The following URM1 variants were observed in gnomAD, a reference collection of about 807,000 sequenced individuals.
URM1 encodes ubiquitin-related modifier 1.
URM1 carries 11 observed loss-of-function variants against 17.7 expected under a neutral mutation model. The observed-to-expected ratio is 0.62, with a 90% CI of 0.39 to 1.03. The LOEUF (loss-of-function observed/expected upper bound fraction) is 1.03, where lower values mean the gene tolerates loss of function less well. Ranked by LOEUF, URM1 falls within the 50% of genes least tolerant of loss-of-function variation. The pLI, the probability that URM1 is intolerant of heterozygous loss-of-function variation, is 0.00. For synonymous variants in URM1, 48 were observed against 50.6 expected (o/e 0.95, Z 0.22); for missense variants, 128 against 129.2 (o/e 0.99, Z 0.04).
intron 2 of URM1, among the ~76,000 whole-genome samples, chr9:128,379,339 C>T (rs771241813): frequency 8.6e-5 from 13 of 150,902 alleles, no homozygotes; most frequent in African/African-American, 2.2e-4. Context: ...AATTAGCTGG[C>T]GCAGTGGCAG....
chr9:128,380,974 G>A (rs930685878), intron 2 of URM1, among the ~76,000 whole-genome samples: 3 of 152,120 alleles, frequency 2.0e-5, no homozygotes, highest in African/African-American at 7.2e-5. Flanking sequence ...ACAGGTGCCT[G>A]CCACCACGCC....
In URM1 at chr9:128,389,725, C is replaced by G. The variant is rs748698395; in HGVS notation, c.297C>G (p.His99Gln). 6.2e-7 allele frequency: 1 copy of G among 1,613,518 alleles called. No homozygotes were observed. The highest frequency in any genetic ancestry group is 8.5e-7 in the Non-Finnish European group (1 of 1,180,000). Residue 99 changes from histidine (H) to glutamine (Q), a missense_variant, in exon 5 of 5, where the codon CAC becomes CAG. Coordinates refer to ENST00000372853, the MANE Select transcript of URM1 (RefSeq NM_030914.4). ...GCGTCCTCTTCATCTCCACTCTGCA[C>G]GGCGGCTGAGGGCCCTTCTCTGGGC... The part of the protein sequence containing the change: ...QDSVLFISTL[H>Q]GG
chr9:128,389,818 T>C lies in URM1; in HGVS notation c.*84T>C. 2.5e-6 allele frequency: 4 copies of C among 1,572,848 alleles called. No individual in the cohort carries two copies. The highest frequency in any genetic ancestry group is 3.5e-6 in the Non-Finnish European group (4 of 1,153,062). On this transcript the variant is annotated 3_prime_UTR_variant, in exon 5 of 5. Transcript: ENST00000372853. Reference sequence around the variant, plus strand: ...CTTGGGCCCTGCTTCCAGGTCTCCCTGTCCCCCTTGCCTGCCTTCTTCCCT... The same window carrying C: ...CTTGGGCCCTGCTTCCAGGTCTCCCCGTCCCCCTTGCCTGCCTTCTTCCCT...
intron 1 of URM1, among the ~76,000 whole-genome samples, chr9:128,371,897 C>T (rs533280033): frequency 6.6e-5 from 10 of 152,232 alleles, no homozygotes; most frequent in African/African-American, 1.9e-4. Context: ...TTTCCTAAGA[C>T]TTGGGGATGG....
intron 2 of URM1, among the ~76,000 whole-genome samples, chr9:128,380,550 A>C (rs1032276296): frequency 3.5e-4 from 54 of 152,172 alleles, no homozygotes; most frequent in African/African-American, 1.3e-3. Flanking sequence ...CCTTGCCTGG[A>C]AGTTTATTAA....
rs1007425054 is a variant in URM1 at position 128,390,260 on chromosome 9, G to A, written c.*526G>A. On this transcript the variant is annotated 3_prime_UTR_variant, in exon 5 of 5. Transcript: ENST00000372853. ...CTGCTATCAGTATGGAACCCCAGCT[G>A]GGGTCCCCTATTGAGTGCCGACTCC... The A allele has an allele frequency of 2.6e-5, 4 of 154,146 alleles. No homozygotes were observed. The highest frequency in any genetic ancestry group is 9.7e-5 in the African/African-American group (4 of 41,320). The allele number at this position is 154,146 out of a possible 1,614,324, so 9.5% of individuals were successfully genotyped here.
intron 2 of URM1, among the ~76,000 whole-genome samples, chr9:128,380,380 G>T (rs1048650472): frequency 1.3e-5 from 2 of 152,118 alleles, no homozygotes; most frequent in Non-Finnish European, 2.9e-5. Context: ...GCTGGGAGGG[G>T]ATATGTGGCT....
chr9:128,389,024 G>A, intron 3 of URM1: 1 of 1,344,048 alleles, frequency 7.4e-7, no homozygotes, highest in Non-Finnish European at 9.5e-7. Flanking sequence ...TGGTCTGGGT[G>A]GTGGTGCTGG....
At chr9:128,376,735 T>G (rs1260860455) in intron 1 of URM1, among the ~76,000 whole-genome samples, 1 of 150,670 alleles carries the variant, frequency 6.6e-6, no homozygotes, top group African/African-American at 2.5e-5. Context: ...GCTTCTGATT[T>G]CAGCACTTTG....
chr9:128,375,206 C>T (rs556733263), intron 1 of URM1, among the ~76,000 whole-genome samples: 1 of 152,154 alleles, frequency 6.6e-6, no homozygotes, highest in Non-Finnish European at 1.5e-5. Flanking sequence ...AATGGTGAGG[C>T]GATGTGAACA....
At chr9:128,378,561 A>C (rs201304989) in intron 2 of URM1, among the ~76,000 whole-genome samples, 157 of 147,190 alleles carry the variant, frequency 1.1e-3, no homozygotes, top group African/African-American at 4.0e-3. Flanking sequence ...AAAAAAAAAA[A>C]AAAAAAAAAA....
At chr9:128,388,882 C>T (rs866740414) in intron 3 of URM1, 2 of 1,024,498 alleles carry the variant, frequency 2.0e-6, no homozygotes, top group Middle Eastern at 9.6e-4. Flanking sequence ...TAATGGTTAC[C>T]ATGACAGTGT....
intron 2 of URM1, among the ~76,000 whole-genome samples, chr9:128,383,424 G>T (rs1833185238): frequency 6.6e-6 from 1 of 152,084 alleles, no homozygotes; most frequent in African/African-American, 2.4e-5. Context: ...CTGAGGCCTG[G>T]GGTGGGCTCT....
chr9:128,389,797 G>A lies in URM1; in HGVS notation c.*63G>A. 1 of 1,605,558 alleles carries A rather than the reference G, an allele frequency of 6.2e-7. No individual in the cohort carries two copies. The highest frequency in any genetic ancestry group is 8.5e-7 in the Non-Finnish European group (1 of 1,174,918). ...AACGAAGCAATCAGACATCCCCTTG[G>A]GCCCTGCTTCCAGGTCTCCCTGTCC... On this transcript the variant is annotated 3_prime_UTR_variant, in exon 5 of 5. Transcript: ENST00000372853.
At chr9:128,383,157 A>T (rs1308541032) in intron 2 of URM1, among the ~76,000 whole-genome samples, 1 of 151,922 alleles carries the variant, frequency 6.6e-6, no homozygotes, top group Non-Finnish European at 1.5e-5. Flanking sequence ...CTGTTTGCTG[A>T]TCCCCTCTCC....
Position 128,387,505 on chromosome 9 carries a change from C to A in URM1, c.107-311C>A, listed in dbSNP as rs1833243871. ...TTGTGGGTAGGGGCCTGTCTCCTAA[C>A]CCTTTAGATGCGACAGTCCTCCCGC... On this transcript the variant is annotated intron_variant, in intron 2 of 4. Transcript: ENST00000372853. This position sits in a 1 kb window ranked among gnomAD's most constrained non-coding sequence, Gnocchi z 4.3. Among the ~76,000 whole-genome samples the A allele has an allele frequency of 6.6e-6, 1 of 152,114 alleles. No individual in the cohort carries two copies.
intron 2 of URM1, among the ~76,000 whole-genome samples, chr9:128,386,494 T>A (rs1250914762): frequency 6.6e-6 from 1 of 152,232 alleles, no homozygotes; most frequent in Non-Finnish European, 1.5e-5. Flanking sequence ...ACTTTGCCCG[T>A]GGCCCTGTGC....
chr9:128,386,907 A>G (rs1013483839), intron 2 of URM1, among the ~76,000 whole-genome samples: 3 of 152,336 alleles, frequency 2.0e-5, no homozygotes, highest in African/African-American at 4.8e-5. Flanking sequence ...CAAGTCGTCT[A>G]AGAGAATGAG....
chr9:128,389,596 C>T, intron 4 of URM1, 70 bp from the exon 5 acceptor site: 6 of 1,603,292 alleles, frequency 3.7e-6, no homozygotes, highest in South Asian at 3.3e-5. Context: ...AGCCCCTGTT[C>T]TCCCAACTCC....
Sources: gnomAD v4.1 joint callset for allele counts (sites outside exome capture counted in the v4.1 genomes callset) on GRCh38, gnomAD v4.1.1 for gene constraint, Gnocchi (gnomAD v3.1) non-coding constraint, MANE v1.5 for transcripts, NCBI Gene and HGNC (gene_info 2026-07-23, HGNC 2026-07-21) for gene names.